The following CSMD3 variants were observed in gnomAD, a reference collection of about 807,000 sequenced individuals.
CSMD3 encodes CUB and Sushi multiple domains 3.
A neutral mutation model predicts 435.2 loss-of-function variants in CSMD3; 177 were observed. The ratio of observed to expected loss-of-function variants is 0.41; its 90% confidence interval spans 0.36 to 0.46. CSMD3 has a LOEUF of 0.46. Ranked by LOEUF, CSMD3 falls within the 20% of genes least tolerant of loss-of-function variation. The probability of loss-of-function intolerance (pLI) is 0.34; values close to 1 mark genes in which losing one functional copy is unlikely to be tolerated. For missense variants in CSMD3, 4,265 were observed against 4,504.6 expected (o/e 0.95, Z 1.52); for synonymous variants, 1,656 against 1,520.5 (o/e 1.09, Z -2.07).
rs778299434 is a variant in CSMD3, at chr8:112,292,533, T to C, written c.8788+4A>G. ...ACCAAATGGGAATATACTTAGACAT[T>C]TACCTTTGCACATAGGTGGAGGATG... On this transcript the variant is annotated splice_donor_region_variant and intron_variant, in intron 55 of 70. Coordinates refer to ENST00000297405, the MANE Select transcript of CSMD3 (RefSeq NM_198123.2). 1 of 1,613,536 alleles carries C rather than the reference T, an allele frequency of 6.2e-7. No homozygotes were observed. Among genetic ancestry groups the C allele is most frequent in the South Asian group, 1.1e-5 (1 of 91,078 alleles).
At chr8:112,412,332 A>G (rs549396292) in intron 32 of CSMD3, among the ~76,000 whole-genome samples, 1 of 144,972 alleles carries the variant, frequency 6.9e-6, no homozygotes, top group South Asian at 2.2e-4. Flanking sequence ...GTCTGTGCTG[A>G]TTATGCCTTT....
At chr8:113,188,113 A>G (rs542803554) in intron 3 of CSMD3, among the ~76,000 whole-genome samples, 1 of 152,130 alleles carries the variant, frequency 6.6e-6, no homozygotes, top group East Asian at 1.9e-4. Flanking sequence ...TCACACAGGA[A>G]GCAATAGTTT....
intron 8 of CSMD3, among the ~76,000 whole-genome samples, chr8:112,951,464 A>T (rs932932236): frequency 2.6e-5 from 4 of 151,764 alleles, no homozygotes; most frequent in African/African-American, 9.7e-5. Context: ...AGCTGCTTAC[A>T]TTGTCACTTT....
chr8:113,412,706 C>T (rs961478921), intron 1 of CSMD3, among the ~76,000 whole-genome samples: 1 of 152,088 alleles, frequency 6.6e-6, no homozygotes, highest in Non-Finnish European at 1.5e-5. Context: ...CATACCTATC[C>T]TGTTTTCCTT....
chr8:112,944,069 G>A (rs1434255888), intron 9 of CSMD3, among the ~76,000 whole-genome samples: 1 of 151,510 alleles, frequency 6.6e-6, no homozygotes, highest in African/African-American at 2.4e-5. Context: ...TACTTAGCAA[G>A]GCAACATTTC....
At position 113,108,403 on chromosome 8, in the gene CSMD3, A is replaced by G. The variant is rs556693717; in HGVS notation, c.710-9440T>C. Among the ~76,000 whole-genome samples the G allele has an allele frequency of 3.3e-4, 49 of 148,834 alleles. 1 individual carries two copies. The highest frequency in any genetic ancestry group is 1.5e-3 in the South Asian group (7 of 4,664). On this transcript the variant is annotated intron_variant, in intron 4 of 70. Transcript: ENST00000297405. ...AGATTGCGCCACTGCATGCCAGCCT[A>G]GTGAGAGGACGAGACGCCATCTCAA...
intron 27 of CSMD3, among the ~76,000 whole-genome samples, chr8:112,524,014 A>T (rs1442774306): frequency 1.1e-4 from 16 of 152,234 alleles, no homozygotes; most frequent in Non-Finnish European, 1.8e-4. Flanking sequence ...TCTCTTTTTT[A>T]AAAATGCATA....
rs188022869 is a variant in CSMD3 at position 113,408,089 on chromosome 8, T to C, written c.178+28588A>G. On this transcript the variant is annotated intron_variant, in intron 1 of 70. Coordinates refer to ENST00000297405, the MANE Select transcript of CSMD3 (RefSeq NM_198123.2). Reference sequence around the variant, plus strand: ...TAACCACCTGTCTTTAGAAATCCCATAGAGATTCTATACTGAGTTTAAAGA... The same window carrying C: ...TAACCACCTGTCTTTAGAAATCCCACAGAGATTCTATACTGAGTTTAAAGA... 4.6e-5 allele frequency among the ~76,000 whole-genome samples: 7 copies of C among 152,268 alleles called. No individual in the cohort carries two copies. In the East Asian group the frequency reaches 1.2e-3, roughly 25 times the overall value.
intron 31 of CSMD3, 31 bp downstream of exon 31, chr8:112,492,458 T>C (rs1378565153): frequency 1.9e-6 from 3 of 1,578,274 alleles, no homozygotes; most frequent in South Asian, 1.1e-5. Flanking sequence ...TTTCTAATCA[T>C]GAAAATTCAG....
chr8:112,407,342 A>G (rs1262036271), intron 34 of CSMD3, among the ~76,000 whole-genome samples: 1 of 152,062 alleles, frequency 6.6e-6, no homozygotes. Flanking sequence ...AATTGCTTTT[A>G]GATTTTATAG....
In CSMD3 at chr8:113,436,839, T is replaced by A; in HGVS notation, c.16A>T (p.Lys6Ter). MKGIR[K>*]GESRAKESKP... ...GATTCCTTTGCTCGGCTTTCCCCTTTGCGGATCCCTTTCATATTATTCGCG... is the reference window on the plus strand; with the variant it reads ...GATTCCTTTGCTCGGCTTTCCCCTTAGCGGATCCCTTTCATATTATTCGCG... Residue 6 changes from lysine (K) to a stop codon, truncating the protein, a stop_gained, in exon 1 of 71, where the codon AAA becomes TAA. Coordinates refer to ENST00000297405, the MANE Select transcript of CSMD3 (RefSeq NM_198123.2). LOFTEE classifies it high-confidence loss of function. 1 of 1,614,156 alleles carries A rather than the reference T, an allele frequency of 6.2e-7. No individual in the cohort carries two copies. The highest frequency in any genetic ancestry group is 8.5e-7 in the Non-Finnish European group (1 of 1,180,044).
At chr8:112,685,224 A>G (rs950870123) in intron 15 of CSMD3, among the ~76,000 whole-genome samples, 182 bp downstream of exon 15, 3 of 152,178 alleles carry the variant, frequency 2.0e-5, no homozygotes, top group Admixed American at 6.6e-5. Flanking sequence ...ATGTATTAAT[A>G]TAATAGAGAG....
intron 70 of CSMD3, among the ~76,000 whole-genome samples, chr8:112,227,486 G>A (rs189996637): frequency 6.6e-6 from 1 of 152,192 alleles, no homozygotes; most frequent in East Asian, 1.9e-4. Context: ...CAGTAGTGAT[G>A]GTTGCATGGC....
At chr8:113,231,592 G>A (rs371522196) in intron 3 of CSMD3, among the ~76,000 whole-genome samples, 30 of 151,402 alleles carry the variant, frequency 2.0e-4, no homozygotes, top group African/African-American at 7.3e-4. Context: ...AAAATTATTT[G>A]TAGAGAAATT....
chr8:112,573,379 G>A, intron 24 of CSMD3, 122 bp downstream of exon 24: 2 of 883,582 alleles, frequency 2.3e-6, no homozygotes, highest in Non-Finnish European at 1.9e-6. Flanking sequence ...AATTATATAT[G>A]TAGAAAGGAG....
At chr8:113,388,159 A>C (rs1285579776) in intron 1 of CSMD3, among the ~76,000 whole-genome samples, 3 of 151,734 alleles carry the variant, frequency 2.0e-5, no homozygotes, top group African/African-American at 7.2e-5. Context: ...CAGAGCTAAA[A>C]TATAAGATTT....
chr8:112,654,843 A>G (rs1431904838), intron 18 of CSMD3, among the ~76,000 whole-genome samples: 1 of 152,216 alleles, frequency 6.6e-6, no homozygotes, highest in Admixed American at 6.5e-5. Context: ...CTAAAAGAAA[A>G]GCTGCCTGCA....
chr8:112,412,079 A>G (rs573061935), intron 32 of CSMD3, among the ~76,000 whole-genome samples: 1 of 152,202 alleles, frequency 6.6e-6, no homozygotes, highest in South Asian at 2.1e-4. Flanking sequence ...TATCTAATTT[A>G]TCTATTAACC....
chr8:112,407,141 G>T (rs533747113), intron 34 of CSMD3, among the ~76,000 whole-genome samples: 10 of 151,226 alleles, frequency 6.6e-5, no homozygotes, highest in Admixed American at 2.0e-4. Context: ...TTCAGTATTT[G>T]GTTCTTAATT....
Sources: allele counts gnomAD v4.1 joint callset (sites outside exome capture counted in the v4.1 genomes callset), GRCh38; gene constraint gnomAD v4.1.1; transcripts MANE v1.5; gene names NCBI Gene and HGNC (gene_info 2026-07-23, HGNC 2026-07-21).